Variants in LRRC63 observed in about 807,000 individuals in gnomAD.
The protein encoded by LRRC63 is leucine-rich repeat-containing protein 63.
LRRC63 carries 40 observed loss-of-function variants against 49.5 expected under a neutral mutation model. The ratio of observed to expected loss-of-function variants is 0.81; its 90% CI spans 0.63 to 1.05. The LOEUF (loss-of-function observed/expected upper bound fraction) is 1.05. Among genes scored for constraint, LRRC63 ranks in the 50% least tolerant of loss-of-function variants. The pLI, the probability that LRRC63 is intolerant of heterozygous loss-of-function variation, is 0.00. For synonymous variants in LRRC63, 191 were observed against 221.1 expected (o/e 0.86, Z 1.21); for missense variants, 636 against 663.1 (o/e 0.96, Z 0.45).
At chr13:46,215,901 A>G (rs2046237896) in intron 2 of LRRC63, among the ~76,000 whole-genome samples, 1 of 152,036 alleles carries the variant, frequency 6.6e-6, no homozygotes, top group Non-Finnish European at 1.5e-5. Context: ...TGTTTTTGTC[A>G]GGTTTGTCGA....
chr13:46,258,016 T>C (rs1193814872), intron 7 of LRRC63, among the ~76,000 whole-genome samples: 1 of 152,148 alleles, frequency 6.6e-6, no homozygotes, highest in Non-Finnish European at 1.5e-5. Flanking sequence ...TAACAAGATC[T>C]TTCTAGTTTC....
intron 9 of LRRC63, 72 bp downstream of exon 9, chr13:46,267,044 A>G (rs1271963145): frequency 1.5e-6 from 2 of 1,376,960 alleles, no homozygotes; most frequent in South Asian, 1.5e-5. Context: ...TTACAGGCTT[A>G]GATGACAGTG....
At chr13:46,241,361 A>C (rs941648965) in intron 5 of LRRC63, among the ~76,000 whole-genome samples, 3 of 152,232 alleles carry the variant, frequency 2.0e-5, no homozygotes, top group Non-Finnish European at 2.9e-5. Context: ...ATGCAAAACT[A>C]TAAAAACCCT....
At chr13:46,212,333 T>C (rs2046115699) in intron 1 of LRRC63, 74 bp downstream of exon 1, 2 of 152,308 alleles carry the variant, frequency 1.3e-5, no homozygotes, top group Admixed American at 1.3e-4. Flanking sequence ...TGCCAGGCAC[T>C]TTTGATGTTG....
intron 7 of LRRC63, among the ~76,000 whole-genome samples, chr13:46,256,650 C>T (rs189158193): frequency 2.0e-4 from 30 of 152,208 alleles, no homozygotes; most frequent in African/African-American, 6.7e-4. Flanking sequence ...TAACTTGTTT[C>T]TTTAATTTCA....
At chr13:46,274,018 G>A (rs1316431563) in intron 9 of LRRC63, among the ~76,000 whole-genome samples, 1 of 151,836 alleles carries the variant, frequency 6.6e-6, no homozygotes, top group Non-Finnish European at 1.5e-5. Flanking sequence ...TTTTTCTTCA[G>A]GCCTTGAGAG....
intron 2 of LRRC63, among the ~76,000 whole-genome samples, chr13:46,225,961 C>T (rs78552415): frequency 1.3e-5 from 2 of 151,560 alleles, no homozygotes; most frequent in African/African-American, 4.8e-5. Context: ...TTTTTTTACT[C>T]TCTTTTTCTA....
chr13:46,256,743 A>G (rs1442491894), intron 7 of LRRC63, among the ~76,000 whole-genome samples: 4 of 152,284 alleles, frequency 2.6e-5, no homozygotes, highest in African/African-American at 9.6e-5. Flanking sequence ...ATGATGAGAT[A>G]TGGGACTTTT....
At position 46,272,775 on chromosome 13, in the gene LRRC63, A is replaced by C. The variant is rs148617176; in HGVS notation, c.1551-3815A>C. On this transcript the variant is annotated intron_variant, in intron 9 of 9. Transcript: ENST00000595396. The stretch of plus-strand genomic sequence containing the variant: ...CTGTTAATAAGAATGAAGTAAAACA[A>C]AATGTTTTGACATGGAAAGTTGTCC... 1.2e-3 allele frequency among the ~76,000 whole-genome samples: 176 copies of C among 152,364 alleles called. 7 individuals are homozygous for C. The East Asian group carries it at 0.028, about 24-fold the overall frequency.
At chr13:46,277,019 T>C (rs2047852364) in exon 10 of LRRC63, 1 of 152,446 alleles carries the variant, frequency 6.6e-6, no homozygotes, top group Non-Finnish European at 1.5e-5. Flanking sequence ...TTCTAGCTCC[T>C]TATGAAAGTT....
intron 5 of LRRC63, among the ~76,000 whole-genome samples, chr13:46,244,962 T>C (rs1254710077): frequency 6.6e-6 from 1 of 152,168 alleles, no homozygotes; most frequent in African/African-American, 2.4e-5. Flanking sequence ...TGCTATTTAC[T>C]AGGAAGCGTA....
At chr13:46,237,952 A>G (rs1450941990) in intron 5 of LRRC63, among the ~76,000 whole-genome samples, 2 of 152,180 alleles carry the variant, frequency 1.3e-5, no homozygotes, top group Non-Finnish European at 2.9e-5. Flanking sequence ...AGTAACAAAA[A>G]ACTTCCAAAC....
chr13:46,231,039 A>T (rs1479810906), intron 4 of LRRC63, among the ~76,000 whole-genome samples: 1 of 152,172 alleles, frequency 6.6e-6, no homozygotes, highest in Non-Finnish European at 1.5e-5. Context: ...TAAGTTCTTC[A>T]TTTCAATCTG....
intron 5 of LRRC63, among the ~76,000 whole-genome samples, chr13:46,239,692 A>G (rs1324288554): frequency 6.6e-6 from 1 of 152,070 alleles, no homozygotes; most frequent in Non-Finnish European, 1.5e-5. Flanking sequence ...CAGCAGCAAC[A>G]ACAACAACAA....
At chr13:46,272,298 A>G (rs923852754) in intron 9 of LRRC63, among the ~76,000 whole-genome samples, 12 of 152,236 alleles carry the variant, frequency 7.9e-5, no homozygotes, top group Non-Finnish European at 1.5e-4. Context: ...CCATAAATCA[A>G]TAAGAAAAGA....
At chr13:46,214,279 G>A (rs7329208) in intron 2 of LRRC63, among the ~76,000 whole-genome samples, 73,265 of 151,942 alleles carry the variant, frequency 0.48, 19,216 homozygotes, top group African/African-American at 0.67. Context: ...GCTATTAACA[G>A]TAGGTAACTC....
Position 46,227,820 on chromosome 13 carries a change from AG to A in LRRC63, c.395del (p.Arg132LysfsTer6), listed in dbSNP as rs1244539847. On this transcript the variant is annotated frameshift_variant, in exon 3 of 10. Transcript: ENST00000595396. LOFTEE classifies it high-confidence loss of function. ...ACAAACAAACAAAATGGAAAGTTCA[AG>A]AAAGTTTAAAACTATGAAAGATGTT... 11 of 1,550,030 alleles carry A rather than the reference AG, an allele frequency of 7.1e-6. No individual in the cohort carries two copies. Among genetic ancestry groups the A allele is most frequent in the Middle Eastern group, 1.7e-4 (1 of 6,014 alleles).
At chr13:46,219,681 T>TTCTG (rs1236056372) in intron 2 of LRRC63, among the ~76,000 whole-genome samples, 1 of 152,240 alleles carries the variant, frequency 6.6e-6, no homozygotes, top group Non-Finnish European at 1.5e-5. Flanking sequence ...AGAAGAGGCA[T>TTCTG]TCTGGTTTTT....
At position 46,272,678 on chromosome 13, in the gene LRRC63, A is replaced by G. The variant is rs1234339121; in HGVS notation, c.1551-3912A>G. On this transcript the variant is annotated intron_variant, in intron 9 of 9. Transcript: ENST00000595396. ...AGTTAGATACAGGGATTATAACTGC[A>G]GCCTAAATCTGCCTCAGTCAGAGAG... is the stretch of plus-strand genomic sequence containing the variant. 5.3e-5 allele frequency among the ~76,000 whole-genome samples: 8 copies of G among 152,254 alleles called. No individual in the cohort carries two copies. In the South Asian group the frequency reaches 1.2e-3, roughly 24 times the overall value.
Sources: allele counts gnomAD v4.1 joint callset (sites outside exome capture counted in the v4.1 genomes callset), GRCh38; gene constraint gnomAD v4.1.1; transcripts MANE v1.5; gene names NCBI Gene and HGNC (gene_info 2026-07-23, HGNC 2026-07-21).